Variants in RNF6 observed in about 807,000 individuals in gnomAD.
RNF6 encodes the protein E3 ubiquitin-protein ligase RNF6.
Under a neutral mutation model 50.1 loss-of-function variants are expected in RNF6, and 21 were observed. The ratio of observed to expected loss-of-function variants is 0.42; its 90% CI spans 0.30 to 0.60. The LOEUF is 0.60. Ranked by LOEUF, RNF6 falls within the 20% of genes least tolerant of loss-of-function variation. The pLI is 0.20. For synonymous variants in RNF6, 255 were observed against 291.8 expected (o/e 0.87, Z 1.29); for missense variants, 698 against 838.2 (o/e 0.83, Z 2.07).
intron 5 of RNF6, among the ~76,000 whole-genome samples, chr13:26,183,911 A>G (rs1873361170): frequency 6.9e-6 from 1 of 145,218 alleles, no homozygotes; most frequent in African/African-American, 2.5e-5. Context: ...TATATATGTA[A>G]TATATACAAT....
In RNF6 at chr13:26,156,341, G is replaced by A. The variant is rs74040359; in HGVS notation, n.769-23890C>T. 9.9e-3 allele frequency among the ~76,000 whole-genome samples: 1,503 copies of A among 152,264 alleles called. 30 individuals are homozygous for A. Among genetic ancestry groups the A allele is most frequent in the African/African-American group, 0.034 (1,433 of 41,548 alleles). The stretch of plus-strand genomic sequence containing the variant: ...AGACACAAGTGCTATAAGCCATTAC[G>A]CATCAGTTAATACATTGCTTACATA... On this transcript the variant is annotated intron_variant and non_coding_transcript_variant, in intron 5 of 5. Transcript: ENST00000468480.
intron 5 of RNF6, among the ~76,000 whole-genome samples, chr13:26,185,230 G>A (rs1205735949): frequency 2.0e-5 from 3 of 152,022 alleles, no homozygotes; most frequent in Admixed American, 6.5e-5. Flanking sequence ...TCGAACTAAT[G>A]GGCTCAAGCT....
chr13:26,164,150 A>G lies in RNF6; in HGVS notation n.769-31699T>C, dbSNP rs529985290. Among the ~76,000 whole-genome samples the G allele has an allele frequency of 1.6e-4, 24 of 152,316 alleles. 1 individual carries two copies. Among genetic ancestry groups the G allele is most frequent in the African/African-American group, 5.8e-4 (24 of 41,572 alleles). On this transcript the variant is annotated intron_variant and non_coding_transcript_variant, in intron 5 of 5. Transcript: ENST00000468480. ...CACTTGTTCTATCAGCTAATTAAGT[A>G]TGGGTTTCTTTTTATTTATCATCCC...
intron 5 of RNF6, among the ~76,000 whole-genome samples, chr13:26,198,133 TATA>T (rs1868749049): frequency 5.1e-4 from 1 of 1,978 alleles, no homozygotes; most frequent in Non-Finnish European, 4.5e-3. Context: ...TGTGTGTATA[TATA>T]TATATATACA....
downstream of RNF6, among the ~76,000 whole-genome samples, chr13:26,211,474 A>G (rs747968773): frequency 5.0e-4 from 76 of 152,126 alleles, no homozygotes; most frequent in Non-Finnish European, 3.1e-4. Flanking sequence ...TAAGAAATAA[A>G]CGGGCCAGGC....
intron 5 of RNF6, among the ~76,000 whole-genome samples, chr13:26,134,142 A>C (rs868354123): frequency 6.6e-6 from 1 of 152,176 alleles, no homozygotes; most frequent in Middle Eastern, 3.2e-3. Context: ...CCTCCCGTAG[A>C]CCTTTCCTGA....
chr13:26,185,439 A>T lies in RNF6; in HGVS notation n.768+30035T>A, dbSNP rs1873469664. 4.6e-5 allele frequency among the ~76,000 whole-genome samples: 7 copies of T among 152,012 alleles called. 2 individuals are homozygous for T. The South Asian group carries it at 1.5e-3, about 32-fold the overall frequency. ...ACATATACATATACATTTGAAGTGCATTTTTTTTAAAAAAAGTTGTTACTT... is the reference window on the plus strand; with the variant it reads ...ACATATACATATACATTTGAAGTGCTTTTTTTTTAAAAAAAGTTGTTACTT... On this transcript the variant is annotated intron_variant and non_coding_transcript_variant, in intron 5 of 5. Transcript: ENST00000468480.
In RNF6 at chr13:26,213,639, CATTTGT is replaced by C; in HGVS notation, c.*179_*184del. 2.2e-6 allele frequency: 1 copy of C among 447,090 alleles called. No individual in the cohort carries two copies. Among genetic ancestry groups the C allele is most frequent in the East Asian group, 3.5e-5 (1 of 28,916 alleles). 27.7% of individuals were successfully genotyped at this position (447,090 alleles called of 1,614,324 possible). A position where few individuals can be genotyped will look rare whatever the true frequency, so the allele number is the denominator to read the frequency against. On this transcript the variant is annotated 3_prime_UTR_variant, in exon 5 of 5. Coordinates refer to ENST00000381588, the MANE Select transcript of RNF6 (RefSeq NM_005977.4). ...TATTCTGTATTTCTGGATAATTTAA[CATTTGT>C]ATTTTAAATTTTATATAAATTTCTT...
At chr13:26,181,623 G>A (rs148795797) in intron 5 of RNF6, among the ~76,000 whole-genome samples, 506 of 152,296 alleles carry the variant, frequency 3.3e-3, no homozygotes, top group Non-Finnish European at 5.4e-3. Flanking sequence ...CTATACCATT[G>A]GTAGGTATGT....
At chr13:26,155,003 C>T (rs556184072) in intron 5 of RNF6, among the ~76,000 whole-genome samples, 1 of 151,920 alleles carries the variant, frequency 6.6e-6, no homozygotes, top group Non-Finnish European at 1.5e-5. Flanking sequence ...TCACTCCAGC[C>T]TGGGCAAAAG....
chr13:26,132,922 G>A (rs541574084), intron 5 of RNF6, among the ~76,000 whole-genome samples: 4 of 151,892 alleles, frequency 2.6e-5, no homozygotes, highest in South Asian at 4.2e-4. Context: ...GTGGTTCTGC[G>A]GTGGGGGGTG....
intron 5 of RNF6, among the ~76,000 whole-genome samples, chr13:26,135,329 T>G (rs1444443586): frequency 2.7e-5 from 4 of 148,342 alleles, no homozygotes; most frequent in African/African-American, 9.7e-5. Context: ...ACATACTTTT[T>G]ATAGCAATAA....
At chr13:26,146,058 T>C (rs958167586) in intron 5 of RNF6, among the ~76,000 whole-genome samples, 2 of 152,188 alleles carry the variant, frequency 1.3e-5, no homozygotes, top group African/African-American at 2.4e-5. Flanking sequence ...TTTTGGGTCA[T>C]CTGGAATCAG....
At chr13:26,148,646 A>ATATATG (rs1555314601) in intron 5 of RNF6, among the ~76,000 whole-genome samples, 1 of 106,652 alleles carries the variant, frequency 9.4e-6, no homozygotes, top group African/African-American at 3.1e-5. Context: ...ATATATATAT[A>ATATATG]TATATATATA....
chr13:26,177,982 T>C lies in RNF6; in HGVS notation n.768+37492A>G, dbSNP rs556074186. 4.6e-5 allele frequency among the ~76,000 whole-genome samples: 7 copies of C among 152,266 alleles called. No individual in the cohort carries two copies. The South Asian group carries it at 1.5e-3, about 32-fold the overall frequency. On this transcript the variant is annotated intron_variant and non_coding_transcript_variant, in intron 5 of 5. Transcript: ENST00000468480. ...GGGCAAACCACCTGAGGTCAGGAGT[T>C]TGAGACCAGCCTGGCCAACATGGTG...
intron 5 of RNF6, among the ~76,000 whole-genome samples, chr13:26,198,367 A>G (rs1868760960): frequency 6.6e-6 from 1 of 151,920 alleles, no homozygotes; most frequent in Non-Finnish European, 1.5e-5. Context: ...GCCTGCCCAC[A>G]TTATGGAAAG....
intron 5 of RNF6, among the ~76,000 whole-genome samples, chr13:26,197,169 TC>T (rs1375770901): frequency 6.6e-6 from 1 of 151,716 alleles, no homozygotes; most frequent in Non-Finnish European, 1.5e-5. Flanking sequence ...GGCCCCATGC[TC>T]CTGGGATGAT....
chr13:26,162,447 C>A (rs1872257834), intron 5 of RNF6, among the ~76,000 whole-genome samples: 1 of 152,216 alleles, frequency 6.6e-6, no homozygotes, highest in East Asian at 1.9e-4. Context: ...GCTGACCTGT[C>A]TGTAAGACAC....
intron 5 of RNF6, among the ~76,000 whole-genome samples, chr13:26,176,892 C>T (rs149660029): frequency 6.6e-6 from 1 of 152,248 alleles, no homozygotes; most frequent in Non-Finnish European, 1.5e-5. Flanking sequence ...CGAGGTGGCG[C>T]GATTGCACTC....
Sources: gnomAD v4.1 joint callset for allele counts (sites outside exome capture counted in the v4.1 genomes callset) on GRCh38, gnomAD v4.1.1 for gene constraint, MANE v1.5 for transcripts, NCBI Gene and HGNC (gene_info 2026-07-23, HGNC 2026-07-21) for gene names.